The following GCN1 variants were observed in gnomAD, a reference collection of about 807,000 sequenced individuals.
The protein encoded by GCN1 is stalled ribosome sensor GCN1.
A neutral mutation model predicts 288.4 loss-of-function variants in GCN1; 90 were observed. The observed-to-expected ratio is 0.31, with a 90% confidence interval of 0.26 to 0.37. The LOEUF (loss-of-function observed/expected upper bound fraction) is 0.37, where lower values mean the gene tolerates loss of function less well. GCN1 is among the 10% of genes least tolerant of loss of function. The pLI is 1.00. For synonymous variants in GCN1, 1,386 were observed against 1,420.2 expected (o/e 0.98, Z 0.54); for missense variants, 2,586 against 3,419.9 (o/e 0.76, Z 6.08).
In GCN1 at chr12:120,153,768, G is replaced by C. The variant is rs373742141; in HGVS notation, c.3843C>G (p.Leu1281=). ...CCTTCCCATGAGTGTTGAGCGTTGC[G>C]AGGGCTGCATCCAACATGCACTTCC... ...DVRKCMLDAA[L]ATLNTHGKEN... Residue 1281 remains leucine (L), a synonymous_variant, in exon 32 of 58, where the codon CTC becomes CTG. Transcript: ENST00000300648. This position sits in a 1 kb window ranked among gnomAD's most constrained non-coding sequence, Gnocchi z 4.4. 6.2e-6 allele frequency: 10 copies of C among 1,613,996 alleles called. No individual in the cohort carries two copies. The highest frequency in any genetic ancestry group is 4.5e-5 in the East Asian group (2 of 44,898).
chr12:120,181,339 C>T (rs1405369204), intron 5 of GCN1, among the ~76,000 whole-genome samples: 1 of 151,862 alleles, frequency 6.6e-6, no homozygotes, highest in African/African-American at 2.4e-5. Flanking sequence ...CACCAGCATG[C>T]CTGTAGTCCC....
At position 120,177,844 on chromosome 12, in the gene GCN1, A is replaced by G. The variant is rs367783611; in HGVS notation, c.661-92T>C. The G allele has an allele frequency of 1.0e-5, 9 of 881,660 alleles. No individual in the cohort carries two copies. In the South Asian group the frequency reaches 1.2e-4, roughly 12 times the overall value. 54.6% of individuals were successfully genotyped at this position (881,660 alleles called of 1,614,324 possible). On this transcript the variant is annotated intron_variant, in intron 7 of 57. Transcript: ENST00000300648. ...CCCTCTTGTGAGAGTGCCTCCAAAA[A>G]ATACAAATCAATGCCCCAAATTTCA...
chr12:120,182,047 G>A (rs1466317397), intron 5 of GCN1, among the ~76,000 whole-genome samples: 2 of 151,576 alleles, frequency 1.3e-5, no homozygotes, highest in Non-Finnish European at 2.9e-5. Context: ...TACTCAGGAA[G>A]CTGAGGGTTG....
At chr12:120,139,119 G>A (rs1018790204) in intron 45 of GCN1, among the ~76,000 whole-genome samples, 3 of 152,088 alleles carry the variant, frequency 2.0e-5, no homozygotes, top group African/African-American at 7.2e-5. Context: ...AGACCAGCCT[G>A]GTCAACATGG....
intron 12 of GCN1, 114 bp from the exon 13 acceptor site, chr12:120,174,283 A>AG: frequency 1.5e-6 from 1 of 673,676 alleles, no homozygotes; most frequent in Admixed American, 2.1e-5. Context: ...TGTCTCCAGC[A>AG]GGCATACCTC....
In GCN1 at chr12:120,194,286, T is replaced by C. The variant is rs531888016; in HGVS notation, c.18+394A>G. On this transcript the variant is annotated intron_variant, in intron 1 of 57. Coordinates refer to ENST00000300648, the MANE Select transcript of GCN1 (RefSeq NM_006836.2). The stretch of plus-strand genomic sequence containing the variant: ...AGACTACACTCAAAGTCCCTGCTCA[T>C]AGTAGGTGCTCAAAGAATATTTGCT... 3.3e-5 allele frequency among the ~76,000 whole-genome samples: 5 copies of C among 152,360 alleles called. No individual in the cohort carries two copies. The East Asian group carries it at 7.7e-4, about 23-fold the overall frequency.
chr12:120,159,401 C>T (rs1877856629), intron 24 of GCN1, among the ~76,000 whole-genome samples: 1 of 152,166 alleles, frequency 6.6e-6, no homozygotes, highest in Non-Finnish European at 1.5e-5. Flanking sequence ...GAACTGCCAG[C>T]CACCCTACCT....
Position 120,170,254 on chromosome 12 carries a change from G to A in GCN1, c.1434C>T (p.Ser478=), listed in dbSNP as rs765793302. The stretch of plus-strand genomic sequence containing the variant: ...TGATGGTGGGAACCTGAGTGCTTTG[G>A]GAGGCTGCCTTCTCCACTGTCTGGA... ...LLIQTVEKAA[S]QSTQVPTITE... The change falls in exon 15 of 58, where the codon TCC becomes TCT. Residue 478 remains serine, a synonymous_variant. Coordinates refer to ENST00000300648, the MANE Select transcript of GCN1 (RefSeq NM_006836.2). 1 of 1,614,106 alleles carries A rather than the reference G, an allele frequency of 6.2e-7. No homozygotes were observed. Among genetic ancestry groups the A allele is most frequent in the Admixed American group, 1.7e-5 (1 of 60,002 alleles).
intron 55 of GCN1, 43 bp from the exon 56 acceptor site, chr12:120,130,796 T>C (rs1283014181): frequency 7.7e-7 from 1 of 1,292,030 alleles, no homozygotes; most frequent in Non-Finnish European, 1.1e-6. Flanking sequence ...CCCCCACCCC[T>C]TCCCCAGAGC....
In GCN1 at chr12:120,156,506, A is replaced by G. The variant is rs201911282; in HGVS notation, c.3267T>C (p.Cys1089=). 2.4e-5 allele frequency: 39 copies of G among 1,614,074 alleles called. No individual in the cohort carries two copies. In the East Asian group the frequency reaches 7.8e-4, roughly 32 times the overall value. ...CGCTGGCACACGGGGACTGCAAGGCACAGAGCAGCACGTCCACCTCCTCCT... is the reference window on the plus strand; with the variant it reads ...CGCTGGCACACGGGGACTGCAAGGCGCAGAGCAGCACGTCCACCTCCTCCT... ...AEQEEVDVLL[C]ALQSPCASVR... Residue 1089 remains cysteine (C), a synonymous_variant, in exon 28 of 58, where the codon TGT becomes TGC. Coordinates refer to ENST00000300648, the MANE Select transcript of GCN1 (RefSeq NM_006836.2). The surrounding 1 kb of genome is among the most constrained non-coding windows in gnomAD (Gnocchi z 5.8).
intron 1 of GCN1, among the ~76,000 whole-genome samples, chr12:120,193,981 G>A (rs990699721): frequency 4.6e-5 from 7 of 152,194 alleles, no homozygotes; most frequent in South Asian, 2.1e-4. Flanking sequence ...CTGGGTGGAG[G>A]AAAAGGTTTT....
At chr12:120,162,757 A>C (rs1877970295) in intron 20 of GCN1, 90 bp downstream of exon 20, 1 of 1,405,060 alleles carries the variant, frequency 7.1e-7, no homozygotes, top group Non-Finnish European at 9.8e-7. Context: ...ATCCATCTTC[A>C]CCTGCTTCTT....
Position 120,134,839 on chromosome 12 carries a change from TC to T in GCN1, c.7009-114del. 2.2e-6 allele frequency: 2 copies of T among 889,586 alleles called. No homozygotes were observed. Among genetic ancestry groups the T allele is most frequent in the Non-Finnish European group, 3.6e-6 (2 of 557,986 alleles). The allele number at this position is 889,586 out of a possible 1,614,324, so 55.1% of individuals were successfully genotyped here. A position where few individuals can be genotyped will look rare whatever the true frequency, so the allele number is the denominator to read the frequency against. ...CAAACCACCACAGCGAGTCCAGCTCTCATACAGGGCTGGGGACAGATAGCCC... is the reference window on the plus strand; with the variant it reads ...CAAACCACCACAGCGAGTCCAGCTCTATACAGGGCTGGGGACAGATAGCCC... On this transcript the variant is annotated intron_variant, in intron 51 of 57. Coordinates refer to ENST00000300648, the MANE Select transcript of GCN1 (RefSeq NM_006836.2). The surrounding 1 kb of genome is among the most constrained non-coding windows in gnomAD (Gnocchi z 5.0).
At position 120,134,382 on chromosome 12, in the gene GCN1, C is replaced by T. The variant is rs1238032518; in HGVS notation, c.7226G>A (p.Arg2409Lys). The change falls in exon 53 of 58, where the codon AGG becomes AAG. Residue 2409 changes from arginine (R) to lysine (K), a missense_variant. By Grantham distance (26) the Arg-to-Lys change is conservative. Coordinates refer to ENST00000300648, the MANE Select transcript of GCN1 (RefSeq NM_006836.2). This position sits in a 1 kb window ranked among gnomAD's most constrained non-coding sequence, Gnocchi z 5.0. The part of the protein sequence containing the change: ...GVRDTMLQAL[R>K]FVIQGAGAKV... The stretch of plus-strand genomic sequence containing the variant: ...GGCCCCTGCTCCCTGAATCACAAAC[C>T]TCAGGGCCTGCAGCATGGTGTCCCT... The T allele has an allele frequency of 6.2e-7, 1 of 1,613,802 alleles. No homozygotes were observed. Among genetic ancestry groups the T allele is most frequent in the Non-Finnish European group, 8.5e-7 (1 of 1,179,722 alleles).
intron 2 of GCN1, among the ~76,000 whole-genome samples, chr12:120,185,291 G>C (rs755824967): frequency 6.6e-6 from 1 of 152,156 alleles, no homozygotes; most frequent in South Asian, 2.1e-4. Context: ...TTAAAAAACA[G>C]TGCAACACTG....
intron 38 of GCN1, among the ~76,000 whole-genome samples, chr12:120,146,816 AAAGAG>A (rs1877378279): frequency 6.6e-6 from 1 of 152,358 alleles, no homozygotes; most frequent in South Asian, 2.1e-4. Context: ...TGAGAGGTCA[AAAGAG>A]AAGACAGGCC....
chr12:120,184,713 A>G, intron 3 of GCN1, 111 bp downstream of exon 3: 1 of 793,476 alleles, frequency 1.3e-6, no homozygotes, highest in Non-Finnish European at 2.2e-6. Flanking sequence ...GATGTGACAT[A>G]GCCCAGATTT....
chr12:120,194,603 G>C, intron 1 of GCN1, 77 bp downstream of exon 1: 1 of 1,342,050 alleles, frequency 7.5e-7, no homozygotes, highest in Non-Finnish European at 1.0e-6. Flanking sequence ...AAGCCGAGGA[G>C]CGAGAGGGGC....
At chr12:120,167,143 C>T (rs1878156847) in intron 16 of GCN1, among the ~76,000 whole-genome samples, 1 of 151,428 alleles carries the variant, frequency 6.6e-6, no homozygotes, top group South Asian at 2.1e-4. Flanking sequence ...AGTTCGAGAC[C>T]AGCCTGACCA....
Sources: gnomAD v4.1 joint callset for allele counts (sites outside exome capture counted in the v4.1 genomes callset) on GRCh38, gnomAD v4.1.1 for gene constraint, Gnocchi (gnomAD v3.1) non-coding constraint, MANE v1.5 for transcripts, NCBI Gene and HGNC (gene_info 2026-07-23, HGNC 2026-07-21) for gene names.